The following TUBG1 variants were observed in gnomAD, a reference collection of about 807,000 sequenced individuals.
TUBG1 encodes the protein tubulin gamma 1, also known as tubulin gamma-1 chain.
A neutral mutation model predicts 53.3 loss-of-function variants in TUBG1; 22 were observed. The observed-to-expected ratio is 0.41, with a 90% CI of 0.29 to 0.59. The LOEUF is 0.59. Ranked by LOEUF, TUBG1 falls within the 20% of genes least tolerant of loss-of-function variation. The pLI is 0.26. For synonymous variants in TUBG1, 198 were observed against 236.7 expected, an observed-to-expected ratio of 0.84 and a Z score of 1.50; for missense variants, 217 against 598.9, an observed-to-expected ratio of 0.36 and a Z score of 6.66.
At chr17:42,611,124 A>G (rs1251060674) in intron 3 of TUBG1, 7 of 152,366 alleles carry the variant, frequency 4.6e-5, no homozygotes, top group African/African-American at 9.7e-5. Flanking sequence ...GGTGCTTGCC[A>G]TCACGCCTGG....
chr17:42,610,908 G>C (rs1166447027), intron 3 of TUBG1: 3 of 294,664 alleles, frequency 1.0e-5, no homozygotes, highest in Non-Finnish European at 1.9e-5. Context: ...TTCATAACTA[G>C]TTTATCAGCA....
At chr17:42,613,170 C>G in intron 6 of TUBG1, 97 bp downstream of exon 6, 4 of 1,521,258 alleles carry the variant, frequency 2.6e-6, no homozygotes. Flanking sequence ...TCCATTTTAG[C>G]CAGGTGCAGT....
intron 3 of TUBG1, 107 bp downstream of exon 3, chr17:42,610,697 G>A: frequency 2.0e-6 from 3 of 1,514,638 alleles, no homozygotes; most frequent in Non-Finnish European, 1.8e-6. Flanking sequence ...AATGCTGGAG[G>A]GAGAGACCTG....
intron 1 of TUBG1, 130 bp from the exon 2 acceptor site, chr17:42,609,978 C>G: frequency 7.5e-7 from 1 of 1,339,504 alleles, no homozygotes; most frequent in Non-Finnish European, 1.0e-6. Context: ...CAGTCCTTTC[C>G]TCAGACACGG....
At chr17:42,611,951 A>G in intron 3 of TUBG1, 124 bp from the exon 4 acceptor site, 1 of 782,166 alleles carries the variant, frequency 1.3e-6, no homozygotes, top group South Asian at 1.6e-5. Flanking sequence ...TGTAGATAAA[A>G]GCAGGTAGCT....
Position 42,610,134 on chromosome 17 carries a change from T to C in TUBG1, c.76T>C (p.Cys26Arg). The C allele has an allele frequency of 6.2e-7, 1 of 1,614,192 alleles. No individual in the cohort carries two copies. Among genetic ancestry groups the C allele is most frequent in the Non-Finnish European group, 8.5e-7 (1 of 1,180,026 alleles). Residue 26 changes from cysteine to arginine, a missense_variant, in exon 2 of 11, where the codon TGC (cysteine) becomes CGC (arginine). Cys to Arg is a radical substitution (Grantham distance 180). This residue lies in a region of TUBG1 where 57 missense variants were observed against 169.3 expected (regional missense o/e 0.34). Coordinates refer to ENST00000251413, the MANE Select transcript of TUBG1 (RefSeq NM_001070.5). ...TGGGTTCGAGTTCTGGAAACAGCTG[T>C]GCGCCGAGCATGGTATCAGCCCCGA... is the stretch of plus-strand genomic sequence containing the variant. The part of the protein sequence containing the change: ...QIGFEFWKQL[C>R]AEHGISPEGI...
At chr17:42,612,204 GA>G in intron 4 of TUBG1, 61 bp downstream of exon 4, 1 of 1,561,086 alleles carries the variant, frequency 6.4e-7, no homozygotes, top group Non-Finnish European at 8.8e-7. Flanking sequence ...GCACCCTCTA[GA>G]AGCGACCTGT....
rs376735878 is a variant in TUBG1, at chr17:42,614,233, C to T, written c.844-27C>T. 98 of 1,613,602 alleles carry T rather than the reference C, an allele frequency of 6.1e-5. No individual in the cohort carries two copies. The highest frequency in any genetic ancestry group is 2.0e-4 in the Admixed American group (12 of 59,992). ...GGGGGACTGTGCCCTGAGCGCTGGC[C>T]GGGTCCCTGTCTCACTGTCCTATCA... On this transcript the variant is annotated intron_variant, in intron 8 of 10. Coordinates refer to ENST00000251413, the MANE Select transcript of TUBG1 (RefSeq NM_001070.5). The surrounding 1 kb of genome is among the most constrained non-coding windows in gnomAD (Gnocchi z 5.1).
At chr17:42,613,480 A>T (rs1344154911) in intron 6 of TUBG1, among the ~76,000 whole-genome samples, 167 bp from the exon 7 acceptor site, 1 of 152,162 alleles carries the variant, frequency 6.6e-6, no homozygotes, top group African/African-American at 2.4e-5. Flanking sequence ...AGAAAAATTT[A>T]AAAATCCATT....
chr17:42,611,978 C>T, intron 3 of TUBG1, 97 bp from the exon 4 acceptor site: 8 of 1,099,320 alleles, frequency 7.3e-6, no homozygotes, highest in Non-Finnish European at 1.1e-5. Flanking sequence ...CATAAAAGGA[C>T]TTCTGGGTGT....
Position 42,609,691 on chromosome 17 carries a change from G to C in TUBG1, c.-47G>C. 2 of 1,533,458 alleles carry C rather than the reference G, an allele frequency of 1.3e-6. No individual in the cohort carries two copies. Among genetic ancestry groups the C allele is most frequent in the East Asian group, 2.4e-5 (1 of 40,848 alleles). The allele number at this position is 1,533,458 out of a possible 1,614,324, so 95.0% of individuals were successfully genotyped here. A position where few individuals can be genotyped will look rare whatever the true frequency, so the allele number is the denominator to read the frequency against. ...CTTGCGGCGAGCGGGCTGGCGTGCG[G>C]CGCCGTTGCGGGCGGGAGCGGCTGC... On this transcript the variant is annotated 5_prime_UTR_variant, in exon 1 of 11. Coordinates refer to ENST00000251413, the MANE Select transcript of TUBG1 (RefSeq NM_001070.5).
At chr17:42,612,608 G>A (rs1257242863) in intron 5 of TUBG1, 102 bp downstream of exon 5, 1 of 1,128,058 alleles carries the variant, frequency 8.9e-7, no homozygotes, top group Non-Finnish European at 1.3e-6. Context: ...ACAGGAAAGA[G>A]TTCTTATATT....
Position 42,614,858 on chromosome 17 carries a change from C to G in TUBG1, c.1173C>G (p.Thr391=). Residue 391 remains threonine (T), a synonymous_variant, in exon 11 of 11, where the codon ACC becomes ACG. Coordinates refer to ENST00000251413, the MANE Select transcript of TUBG1 (RefSeq NM_001070.5). This position sits in a 1 kb window ranked among gnomAD's most constrained non-coding sequence, Gnocchi z 5.1. ...CACACCCCAAGCTCTTCGAGAGAAC[C>G]TGTCGCCAGTATGACAAGCTGCGTA... is the stretch of plus-strand genomic sequence containing the variant. ...HTSISSLFER[T]CRQYDKLRKR... 3.1e-6 allele frequency: 5 copies of G among 1,614,228 alleles called. No individual in the cohort carries two copies. The highest frequency in any genetic ancestry group is 4.2e-6 in the Non-Finnish European group (5 of 1,180,032).
chr17:42,610,102 C>A lies in TUBG1; in HGVS notation c.50-6C>A. ...TCTTTCTCCCCTGCCCGCCCCTTCC[C>A]CCCAGTTGGGTTCGAGTTCTGGAAA... On this transcript the variant is annotated splice_region_variant and splice_polypyrimidine_tract_variant and intron_variant, in intron 1 of 10. Transcript: ENST00000251413. The A allele has an allele frequency of 6.2e-7, 1 of 1,614,216 alleles. No individual in the cohort carries two copies. Among genetic ancestry groups the A allele is most frequent in the Non-Finnish European group, 8.5e-7 (1 of 1,180,034 alleles).
chr17:42,615,046 C>T lies in TUBG1; in HGVS notation c.*5C>T, dbSNP rs751499656. 3.1e-6 allele frequency: 5 copies of T among 1,613,796 alleles called. No homozygotes were observed. Among genetic ancestry groups the T allele is most frequent in the Non-Finnish European group, 4.2e-6 (5 of 1,179,860 alleles). ...TGGGGCACCCAGGAGCAGTGAGTCCCCCAGGACAGGGACCCTCATCTGCCT... is the reference window on the plus strand; with the variant it reads ...TGGGGCACCCAGGAGCAGTGAGTCCTCCAGGACAGGGACCCTCATCTGCCT... On this transcript the variant is annotated 3_prime_UTR_variant, in exon 11 of 11. Coordinates refer to ENST00000251413, the MANE Select transcript of TUBG1 (RefSeq NM_001070.5).
At position 42,613,829 on chromosome 17, in the gene TUBG1, C is replaced by T; in HGVS notation, c.694-20C>T. Reference sequence around the variant, plus strand: ...GTCCCACCCAGGCTGAGGCCCATAACATGGCACGCCTGTCCCCAGGTGTCT... The same window carrying T: ...GTCCCACCCAGGCTGAGGCCCATAATATGGCACGCCTGTCCCCAGGTGTCT... On this transcript the variant is annotated intron_variant, in intron 7 of 10. Coordinates refer to ENST00000251413, the MANE Select transcript of TUBG1 (RefSeq NM_001070.5). The T allele has an allele frequency of 1.2e-6, 2 of 1,614,116 alleles. No homozygotes were observed. Among genetic ancestry groups the T allele is most frequent in the Non-Finnish European group, 1.7e-6 (2 of 1,179,990 alleles).
At chr17:42,610,087 C>T (rs2143447394) in intron 1 of TUBG1, 21 bp from the exon 2 acceptor site, 22 of 1,613,968 alleles carry the variant, frequency 1.4e-5, no homozygotes, top group Non-Finnish European at 1.8e-5. Flanking sequence ...TCTTTCTCCC[C>T]TGCCCGCCCC....
Position 42,610,088 on chromosome 17 carries a change from T to C in TUBG1, c.50-20T>C, listed in dbSNP as rs759599062. The C allele has an allele frequency of 7.4e-6, 12 of 1,613,700 alleles. No individual in the cohort carries two copies. Among genetic ancestry groups the C allele is most frequent in the Non-Finnish European group, 9.3e-6 (11 of 1,179,754 alleles). On this transcript the variant is annotated intron_variant, in intron 1 of 10. Transcript: ENST00000251413. ...GGACCTAGATATCTTCTTTCTCCCCTGCCCGCCCCTTCCCCCCAGTTGGGT... is the reference window on the plus strand; with the variant it reads ...GGACCTAGATATCTTCTTTCTCCCCCGCCCGCCCCTTCCCCCCAGTTGGGT...
Position 42,610,239 on chromosome 17 carries a change from C to T in TUBG1, c.162+19C>T, listed in dbSNP as rs369160185. 86 of 1,614,134 alleles carry T rather than the reference C, an allele frequency of 5.3e-5. No individual in the cohort carries two copies. In the Admixed American group the frequency reaches 6.5e-4, roughly 12 times the overall value. ...CTACCAGGTGCCCCCAGCGACTTGG[C>T]CGGGGGCGGCAGTTGCCCAAGGGGG... On this transcript the variant is annotated intron_variant, in intron 2 of 10. Transcript: ENST00000251413.
Sources: gnomAD v4.1 joint callset for allele counts (sites outside exome capture counted in the v4.1 genomes callset) on GRCh38, gnomAD v4.1.1 for gene constraint, gnomAD v4.1.1 regional missense constraint, Gnocchi (gnomAD v3.1) non-coding constraint, MANE v1.5 for transcripts, NCBI Gene and HGNC (gene_info 2026-07-23, HGNC 2026-07-21) for gene names.